ZNF565: variants seen among roughly 807,000 people sequenced by gnomAD.
ZNF565 encodes zinc finger protein 565.
Under a neutral mutation model 39.4 loss-of-function variants are expected in ZNF565, and 27 were observed. The ratio of observed to expected loss-of-function variants is 0.69; its 90% CI spans 0.51 to 0.95. The LOEUF (loss-of-function observed/expected upper bound fraction) is 0.95, where lower values mean the gene tolerates loss of function less well. Among genes scored for constraint, ZNF565 ranks in the 40% least tolerant of loss-of-function variants. The probability of loss-of-function intolerance (pLI) is 0.00; values close to 1 mark genes in which losing one functional copy is unlikely to be tolerated. For synonymous variants in ZNF565, 185 were observed against 216.6 expected (o/e 0.85, Z 1.28); for missense variants, 524 against 621.1 (o/e 0.84, Z 1.66).
At chr19:36,189,780 A>C (rs114364465) in intron 4 of ZNF565, among the ~76,000 whole-genome samples, 275 of 152,312 alleles carry the variant, frequency 1.8e-3, no homozygotes, top group African/African-American at 6.3e-3. Context: ...TTAATATTTT[A>C]ATACGGAATT....
chr19:36,183,670 C>T lies in ZNF565; in HGVS notation c.296G>A (p.Trp99Ter). 6.2e-7 allele frequency: 1 copy of T among 1,613,796 alleles called. No homozygotes were observed. The highest frequency in any genetic ancestry group is 8.5e-7 in the Non-Finnish European group (1 of 1,179,800). Residue 99 changes from tryptophan to a stop codon, truncating the protein, a stop_gained, in exon 5 of 5, where the codon TGG (tryptophan) becomes TAG (stop). Transcript: ENST00000304116. LOFTEE classifies it low-confidence loss of function (END_TRUNC). ...GCATTTAAGGCTTTCCATTATCTCC[C>T]AGTTGAATGCCCCGATTTCAAAAAT... ...KDIFEIGAFN[W>*]EIMESLKCSD... is the part of the protein sequence containing the mutation.
At chr19:36,242,215 C>T (rs1977812808) in intron 1 of ZNF565, among the ~76,000 whole-genome samples, 1 of 151,522 alleles carries the variant, frequency 6.6e-6, no homozygotes. Context: ...AGTTCAAGAC[C>T]ATCCTGGCCA....
At chr19:36,243,127 G>A (rs1372826344) in intron 1 of ZNF565, among the ~76,000 whole-genome samples, 6 of 152,198 alleles carry the variant, frequency 3.9e-5, no homozygotes, top group Admixed American at 2.0e-4. Flanking sequence ...TGTGCCTCCC[G>A]GGTTGAAGTG....
intron 2 of ZNF565, among the ~76,000 whole-genome samples, chr19:36,197,416 G>A (rs1274411406): frequency 1.3e-5 from 2 of 152,010 alleles, no homozygotes; most frequent in East Asian, 1.9e-4. Flanking sequence ...AGGTTGCAGT[G>A]AGCTGAGATT....
intron 1 of ZNF565, among the ~76,000 whole-genome samples, chr19:36,241,802 AAG>A (rs1555744544): frequency 6.5e-5 from 9 of 139,454 alleles, no homozygotes; most frequent in African/African-American, 2.1e-4. Flanking sequence ...AAAAAAAAAA[AAG>A]CTGGGACAAT....
chr19:36,206,355 T>A (rs1377667934), intron 1 of ZNF565, among the ~76,000 whole-genome samples: 1 of 151,890 alleles, frequency 6.6e-6, no homozygotes, highest in African/African-American at 2.4e-5. Flanking sequence ...ACTCCTGTCA[T>A]CTCAGCACTT....
At chr19:36,230,356 C>T (rs1387681770) in intron 1 of ZNF565, among the ~76,000 whole-genome samples, 2 of 152,146 alleles carry the variant, frequency 1.3e-5, no homozygotes, top group African/African-American at 2.4e-5. Flanking sequence ...AAATTTCTTC[C>T]TCCTAGGGAC....
At chr19:36,231,084 A>T (rs1977340469) in intron 1 of ZNF565, among the ~76,000 whole-genome samples, 1 of 152,208 alleles carries the variant, frequency 6.6e-6, no homozygotes, top group African/African-American at 2.4e-5. Flanking sequence ...CAAGAAGGAT[A>T]TACGTGACAC....
chr19:36,230,796 C>T (rs1051163734), intron 1 of ZNF565, among the ~76,000 whole-genome samples: 4 of 151,964 alleles, frequency 2.6e-5, no homozygotes, highest in African/African-American at 9.7e-5. Flanking sequence ...GCCAGCCTTC[C>T]TTCCTTTTCC....
intron 1 of ZNF565, among the ~76,000 whole-genome samples, chr19:36,211,271 C>T (rs1295198149): frequency 6.6e-6 from 1 of 151,138 alleles, no homozygotes; most frequent in African/African-American, 2.4e-5. Flanking sequence ...GGTGAAATCC[C>T]ATCTCTACTA....
At chr19:36,210,589 A>G (rs1976317458) in intron 1 of ZNF565, among the ~76,000 whole-genome samples, 1 of 152,126 alleles carries the variant, frequency 6.6e-6, no homozygotes, top group Non-Finnish European at 1.5e-5. Context: ...GACATCTCAG[A>G]AGCAATGAAG....
chr19:36,218,093 ATTTTTTT>A (rs745884262), upstream of ZNF565: 1 of 108,646 alleles, frequency 9.2e-6, no homozygotes, highest in East Asian at 2.8e-4. Flanking sequence ...GCATGAGCTA[ATTTTTTT>A]TTTTTTTTTT....
upstream of ZNF565, among the ~76,000 whole-genome samples, chr19:36,217,273 G>A (rs887388189): frequency 3.3e-5 from 5 of 151,542 alleles, no homozygotes; most frequent in Non-Finnish European, 7.4e-5. Flanking sequence ...ATGTTGGCCA[G>A]GCTGGTCTTG....
intron 1 of ZNF565, among the ~76,000 whole-genome samples, chr19:36,206,249 T>C (rs193193959): frequency 6.6e-6 from 1 of 152,042 alleles, no homozygotes; most frequent in East Asian, 1.9e-4. Context: ...GTGTGGGCCA[T>C]TGTGTCTGGC....
upstream of ZNF565, among the ~76,000 whole-genome samples, chr19:36,216,379 G>C (rs532461920): frequency 6.6e-6 from 1 of 152,212 alleles, no homozygotes; most frequent in South Asian, 2.1e-4. Flanking sequence ...GGTGGCTCAT[G>C]CCTGTAATCC....
chr19:36,219,143 T>C (rs1976735615), upstream of ZNF565, among the ~76,000 whole-genome samples: 1 of 152,104 alleles, frequency 6.6e-6, no homozygotes, highest in Non-Finnish European at 1.5e-5. Flanking sequence ...CTTTTTTAAC[T>C]GGAATCAGGA....
chr19:36,243,542 A>G (rs994448027), intron 1 of ZNF565, among the ~76,000 whole-genome samples: 1 of 152,158 alleles, frequency 6.6e-6, no homozygotes, highest in Non-Finnish European at 1.5e-5. Context: ...CGATGACCAT[A>G]TGTTTGCTGG....
chr19:36,217,187 C>A (rs1050391051), upstream of ZNF565, among the ~76,000 whole-genome samples: 2 of 87,946 alleles, frequency 2.3e-5, no homozygotes, highest in African/African-American at 9.9e-5. Context: ...CTCAGCCTCC[C>A]GAGTAGCTGG....
At chr19:36,202,303 G>A (rs1367316768) in intron 1 of ZNF565, among the ~76,000 whole-genome samples, 1 of 152,032 alleles carries the variant, frequency 6.6e-6, no homozygotes, top group Non-Finnish European at 1.5e-5. Context: ...AAAGGTAGAG[G>A]TTGCAGTGAG....
Sources: allele counts gnomAD v4.1 joint callset (sites outside exome capture counted in the v4.1 genomes callset), GRCh38; gene constraint gnomAD v4.1.1; transcripts MANE v1.5; gene names NCBI Gene and HGNC (gene_info 2026-07-23, HGNC 2026-07-21).